The following ZNF573 variants were observed in gnomAD, a reference collection of about 807,000 sequenced individuals.
ZNF573 encodes the protein zinc finger protein 573.
Under a neutral mutation model 57.4 loss-of-function variants are expected in ZNF573, and 41 were observed. The observed-to-expected ratio is 0.71, with a 90% confidence interval of 0.56 to 0.93. The LOEUF (loss-of-function observed/expected upper bound fraction) is 0.93. ZNF573 is among the 40% of genes least tolerant of loss of function. The pLI is 0.00. For synonymous variants in ZNF573, 249 were observed against 261.0 expected, an observed-to-expected ratio of 0.95 and a Z score of 0.44; for missense variants, 730 against 794.8, an observed-to-expected ratio of 0.92 and a Z score of 0.98.
Position 37,740,027 on chromosome 19 carries a change from A to C in ZNF573, c.463T>G (p.Phe155Val), listed in dbSNP as rs1568414787. ...SGYQLILHHR[F>V]HVIERPYECK... is the part of the protein sequence containing the mutation. The stretch of plus-strand genomic sequence containing the variant: ...TCATAGGGTCTCTCAATGACATGAA[A>C]CCTGTGATGTAGAATAAGTTGATAA... The change falls in exon 5 of 5, where the codon TTT becomes GTT. Residue 155 changes from phenylalanine (F) to valine (V), a missense_variant. Physicochemically the swap from Phe to Val is conservative, Grantham distance 50 (BLOSUM62 -1). Transcript: ENST00000536220. The C allele has an allele frequency of 6.2e-7, 1 of 1,614,116 alleles. No individual in the cohort carries two copies. Among genetic ancestry groups the C allele is most frequent in the Admixed American group, 1.7e-5 (1 of 60,022 alleles).
At position 37,739,020 on chromosome 19, in the gene ZNF573, T is replaced by C; in HGVS notation, c.1470A>G (p.Lys490=). The change falls in exon 5 of 5, where the codon AAA becomes AAG. Residue 490 remains lysine, a synonymous_variant. Transcript: ENST00000536220. ...TATAGGGTTTCTCACCAGTATGAGT[T>C]TTCCGATGTTGAATAAGGTTTGAGC... ...STGSNLIQHR[K]THTGEKPYKC... 1 of 1,613,408 alleles carries C rather than the reference T, an allele frequency of 6.2e-7. No individual in the cohort carries two copies. Among genetic ancestry groups the C allele is most frequent in the Non-Finnish European group, 8.5e-7 (1 of 1,179,774 alleles).
intron 4 of ZNF573, among the ~76,000 whole-genome samples, chr19:37,754,191 T>C (rs2045465019): frequency 6.6e-6 from 1 of 152,162 alleles, no homozygotes; most frequent in Admixed American, 6.5e-5. Context: ...TAATATTCCA[T>C]GGAAAAGACT....
At chr19:37,774,982 T>C (rs1005357468) in intron 1 of ZNF573, among the ~76,000 whole-genome samples, 3 of 151,782 alleles carry the variant, frequency 2.0e-5, no homozygotes, top group African/African-American at 4.8e-5. Flanking sequence ...TTAGCCACAG[T>C]GTCATCCAGT....
At chr19:37,747,107 T>G (rs1225703374) in intron 4 of ZNF573, among the ~76,000 whole-genome samples, 1 of 151,264 alleles carries the variant, frequency 6.6e-6, no homozygotes, top group African/African-American at 2.4e-5. Context: ...GCAAAAGAAG[T>G]AATGTAATAT....
intron 4 of ZNF573, among the ~76,000 whole-genome samples, chr19:37,757,706 G>T (rs949791092): frequency 6.6e-6 from 1 of 152,076 alleles, no homozygotes. Context: ...ATACCCAAAG[G>T]AATATAAATC....
rs536281384 is a variant in ZNF573 at position 37,771,650 on chromosome 19, C to T, written c.116G>A (p.Arg39Gln). ...TFRDVAIDFSRQEWEYLDPNQ... is the reference protein window; with the variant it reads ...TFRDVAIDFSQQEWEYLDPNQ... ...AGGGTCCAGGTATTCCCACTCCTGCCGAGAGAAGTCTATGGCCACATCCCT... is the reference window on the plus strand; with the variant it reads ...AGGGTCCAGGTATTCCCACTCCTGCTGAGAGAAGTCTATGGCCACATCCCT... Residue 39 changes from arginine (R) to glutamine (Q), a missense_variant, in exon 3 of 5, where the codon CGG (arginine) becomes CAG (glutamine). By Grantham distance (43) the Arg-to-Gln change is conservative. Coordinates refer to ENST00000536220, the MANE Select transcript of ZNF573 (RefSeq NM_001172690.2). The T allele has an allele frequency of 8.1e-6, 13 of 1,602,720 alleles. No homozygotes were observed. The highest frequency in any genetic ancestry group is 3.3e-4 in the Middle Eastern group (2 of 6,038).
At chr19:37,768,744 C>T (rs1568423435) in intron 4 of ZNF573, among the ~76,000 whole-genome samples, 1 of 152,038 alleles carries the variant, frequency 6.6e-6, no homozygotes. Context: ...CAGCTCACGG[C>T]AAGCTCCGCC....
At chr19:37,757,261 A>G (rs2045497548) in intron 4 of ZNF573, among the ~76,000 whole-genome samples, 1 of 151,944 alleles carries the variant, frequency 6.6e-6, no homozygotes, top group Non-Finnish European at 1.5e-5. Flanking sequence ...CAGTCGCATG[A>G]TCTTGGCTCA....
intron 4 of ZNF573, among the ~76,000 whole-genome samples, chr19:37,745,079 G>A (rs1232742386): frequency 6.6e-6 from 1 of 151,342 alleles, no homozygotes; most frequent in Non-Finnish European, 1.5e-5. Flanking sequence ...ACCGTGCCCG[G>A]CCAGGAAATA....
rs2045294152 is a variant in ZNF573, at chr19:37,739,107, C to A, written c.1383G>T (p.Gln461His). 6.2e-7 allele frequency: 1 copy of A among 1,613,666 alleles called. No homozygotes were observed. ...FTLYRNLTRHQNIHTGKKLFE... is the reference protein window; with the variant it reads ...FTLYRNLTRHHNIHTGKKLFE... The stretch of plus-strand genomic sequence containing the variant: ...AAAGTTTCTTACCAGTGTGAATATT[C>A]TGATGTCGAGTAAGATTTCTATACA... Residue 461 changes from glutamine to histidine, a missense_variant, in exon 5 of 5, where the codon CAG becomes CAT. Gln to His is a conservative substitution (Grantham distance 24). Coordinates refer to ENST00000536220, the MANE Select transcript of ZNF573 (RefSeq NM_001172690.2).
chr19:37,771,790 T>C (rs2045661896), intron 2 of ZNF573, 94 bp from the exon 3 acceptor site: 2 of 1,306,176 alleles, frequency 1.5e-6, no homozygotes, highest in Admixed American at 3.1e-5. Flanking sequence ...AGTGATATAG[T>C]ATATGTGGCT....
At chr19:37,779,488 G>A (rs1361075985) in intron 1 of ZNF573, 56 bp downstream of exon 1, 1 of 152,228 alleles carries the variant, frequency 6.6e-6, no homozygotes, top group African/African-American at 2.4e-5. Flanking sequence ...TGATTGCCCA[G>A]AGCCCTCCCT....
At chr19:37,752,734 A>C (rs1416878770) in intron 4 of ZNF573, among the ~76,000 whole-genome samples, 1 of 152,072 alleles carries the variant, frequency 6.6e-6, no homozygotes, top group East Asian at 1.9e-4. Context: ...TTCAGGGCTC[A>C]AGCCATCCTC....
chr19:37,738,908 A>G lies in ZNF573; in HGVS notation c.1582T>C (p.Cys528Arg), dbSNP rs1472042525. 1 of 1,611,326 alleles carries G rather than the reference A, an allele frequency of 6.2e-7. No individual in the cohort carries two copies. Among genetic ancestry groups the G allele is most frequent in the Non-Finnish European group, 8.5e-7 (1 of 1,177,872 alleles). ...GTAAAGGTTTTTCTACATACCTTAC[A>G]TTCATAGGGTTTCATACCAGTATGA... ...KIHTGMKPYE[C>R]KVCRKTFTFY... The change falls in exon 5 of 5, where the codon TGT becomes CGT. Residue 528 changes from cysteine (C) to arginine (R), a missense_variant. Transcript: ENST00000536220.
intron 4 of ZNF573, among the ~76,000 whole-genome samples, chr19:37,766,172 T>C (rs564657667): frequency 1.3e-5 from 2 of 152,334 alleles, no homozygotes; most frequent in South Asian, 4.1e-4. Flanking sequence ...AAATAAATGT[T>C]AGAATTAGAA....
Position 37,739,365 on chromosome 19 carries a change from C to A in ZNF573, c.1125G>T (p.Arg375=), listed in dbSNP as rs770103262. ...TCTCACCAGTATGAATATTCTGATG[C>A]CGAGTAAGATTTCTATACAAAGTAA... is the stretch of plus-strand genomic sequence containing the variant. The part of the protein sequence containing the change: ...KTFTLYRNLT[R]HQNIHTGEKL... The change falls in exon 5 of 5, where the codon CGG becomes CGT. Residue 375 remains arginine, a synonymous_variant. Coordinates refer to ENST00000536220, the MANE Select transcript of ZNF573 (RefSeq NM_001172690.2). 12 of 1,613,292 alleles carry A rather than the reference C, an allele frequency of 7.4e-6. No individual in the cohort carries two copies. Among genetic ancestry groups the A allele is most frequent in the African/African-American group, 1.3e-5 (1 of 74,670 alleles).
At chr19:37,748,446 AAAAC>A (rs1424636206) in intron 4 of ZNF573, among the ~76,000 whole-genome samples, 1 of 152,234 alleles carries the variant, frequency 6.6e-6, no homozygotes, top group Non-Finnish European at 1.5e-5. Flanking sequence ...TGGAGAAAAG[AAAAC>A]AAACAAAAAC....
intron 1 of ZNF573, among the ~76,000 whole-genome samples, chr19:37,778,700 G>T (rs912365894): frequency 1.3e-5 from 2 of 152,170 alleles, no homozygotes; most frequent in Middle Eastern, 3.4e-3. Context: ...CTCCTCATTA[G>T]AGTCCTTTTG....
intron 4 of ZNF573, among the ~76,000 whole-genome samples, chr19:37,740,436 G>A (rs1218110313): frequency 6.6e-6 from 1 of 152,178 alleles, no homozygotes; most frequent in Non-Finnish European, 1.5e-5. Context: ...TCTTTGACAA[G>A]CTTGTTCCAA....
Sources: gnomAD v4.1 joint callset for allele counts (sites outside exome capture counted in the v4.1 genomes callset) on GRCh38, gnomAD v4.1.1 for gene constraint, MANE v1.5 for transcripts, NCBI Gene and HGNC (gene_info 2026-07-23, HGNC 2026-07-21) for gene names.